Variants in SLC25A24 observed in about 807,000 individuals in gnomAD.
The protein encoded by SLC25A24 is mitochondrial adenyl nucleotide antiporter SLC25A24.
In SLC25A24, 49 loss-of-function variants were observed where a neutral mutation model predicts 60.7. That is an observed-to-expected ratio of 0.81 (90% CI 0.64 to 1.02). SLC25A24 has a LOEUF of 1.02. SLC25A24 is among the 50% of genes least tolerant of loss of function. The probability of loss-of-function intolerance (pLI) is 0.00; values close to 1 mark genes in which losing one functional copy is unlikely to be tolerated. For synonymous variants in SLC25A24, 202 were observed against 200.6 expected (o/e 1.01, Z -0.06); for missense variants, 564 against 586.3 (o/e 0.96, Z 0.39).
At chr1:108,155,333 T>C (rs953059981) in intron 5 of SLC25A24, among the ~76,000 whole-genome samples, 198 bp from the exon 6 acceptor site, 1 of 152,078 alleles carries the variant, frequency 6.6e-6, no homozygotes, top group Non-Finnish European at 1.5e-5. Flanking sequence ...TCTCTGACTC[T>C]AAAACTAAGA....
chr1:108,183,899 A>G (rs1648025729), intron 2 of SLC25A24, among the ~76,000 whole-genome samples: 1 of 152,236 alleles, frequency 6.6e-6, no homozygotes, highest in Non-Finnish European at 1.5e-5. Flanking sequence ...GTGCATGTCC[A>G]TGAATGCCTG....
chr1:108,178,866 C>T (rs965687476), intron 3 of SLC25A24, among the ~76,000 whole-genome samples: 2 of 151,210 alleles, frequency 1.3e-5, no homozygotes, highest in Non-Finnish European at 2.9e-5. Flanking sequence ...AGCAAATTCA[C>T]AAATACATGG....
At chr1:108,199,036 G>A (rs181088657) in intron 1 of SLC25A24, 2 of 152,330 alleles carry the variant, frequency 1.3e-5, no homozygotes, top group East Asian at 3.9e-4. Context: ...AGTCAGAAGT[G>A]TTATAAAATC....
chr1:108,180,949 A>T (rs645608), intron 3 of SLC25A24, among the ~76,000 whole-genome samples: 63 of 152,194 alleles, frequency 4.1e-4, no homozygotes, highest in African/African-American at 1.5e-3. Context: ...GCCAGGGAAA[A>T]GCCCTCACTT....
chr1:108,188,739 G>A (rs932648064), intron 1 of SLC25A24, among the ~76,000 whole-genome samples: 1 of 152,170 alleles, frequency 6.6e-6, no homozygotes, highest in African/African-American at 2.4e-5. Flanking sequence ...TGGCTTTAAG[G>A]TAGTTATTAG....
Position 108,161,278 on chromosome 1 carries a change from C to T in SLC25A24, c.414G>A (p.Gly138=), listed in dbSNP as rs1435728245. 1.9e-6 allele frequency: 3 copies of T among 1,573,556 alleles called. No homozygotes were observed. Among genetic ancestry groups the T allele is most frequent in the South Asian group, 2.3e-5 (2 of 88,196 alleles). Residue 138 remains glycine (G), a synonymous_variant, in exon 4 of 10, where the codon GGG becomes GGA. Coordinates refer to ENST00000565488, the MANE Select transcript of SLC25A24 (RefSeq NM_013386.5). ...ELILQSIDVD[G]TMTVDWNEWR... is the part of the protein sequence containing the mutation. ...ATTCATTCCAGTCCACTGTCATTGT[C>T]CCATCAACATCAATGCTGAAATTTT... is the stretch of plus-strand genomic sequence containing the variant.
At chr1:108,169,084 G>A (rs1647348242) in intron 3 of SLC25A24, among the ~76,000 whole-genome samples, 2 of 152,164 alleles carry the variant, frequency 1.3e-5, no homozygotes, top group African/African-American at 4.8e-5. Flanking sequence ...TTTTCCCAAA[G>A]TTTTGCAAAG....
At chr1:108,185,325 G>A (rs771239177) in intron 2 of SLC25A24, among the ~76,000 whole-genome samples, 7 of 152,038 alleles carry the variant, frequency 4.6e-5, no homozygotes, top group Non-Finnish European at 8.8e-5. Context: ...ACACTTAAAC[G>A]TTTATATGCT....
chr1:108,173,265 G>A (rs1292637498), intron 3 of SLC25A24, among the ~76,000 whole-genome samples: 1 of 152,144 alleles, frequency 6.6e-6, no homozygotes, highest in Non-Finnish European at 1.5e-5. Context: ...ACAGCTGGTG[G>A]GAGGTAATTG....
chr1:108,192,858 G>A (rs1033993253), intron 1 of SLC25A24: 2 of 962,404 alleles, frequency 2.1e-6, no homozygotes, highest in African/African-American at 3.2e-5. Flanking sequence ...GGACCTGCGT[G>A]GGACCGCACT....
chr1:108,166,359 A>G (rs1680252361), intron 3 of SLC25A24, among the ~76,000 whole-genome samples: 1 of 151,746 alleles, frequency 6.6e-6, no homozygotes, highest in Non-Finnish European at 1.5e-5. Flanking sequence ...AGATTGGGGA[A>G]GTTCTCCTGG....
intron 3 of SLC25A24, among the ~76,000 whole-genome samples, chr1:108,170,233 T>A (rs2101627824): frequency 6.6e-6 from 1 of 152,300 alleles, no homozygotes; most frequent in South Asian, 2.1e-4. Context: ...GACCCATAAG[T>A]TGAGAAGTGT....
intron 8 of SLC25A24, among the ~76,000 whole-genome samples, chr1:108,142,592 T>C (rs1323432426): frequency 6.6e-6 from 1 of 152,070 alleles, no homozygotes; most frequent in Non-Finnish European, 1.5e-5. Flanking sequence ...AGAAAGCAGA[T>C]TAGAGGTTAC....
chr1:108,156,705 T>C (rs1282118087), intron 5 of SLC25A24, among the ~76,000 whole-genome samples: 1 of 152,228 alleles, frequency 6.6e-6, no homozygotes, highest in Non-Finnish European at 1.5e-5. Flanking sequence ...ACATACCTGA[T>C]ATTGCTTGAT....
intron 1 of SLC25A24, among the ~76,000 whole-genome samples, chr1:108,197,860 G>A (rs72693452): frequency 0.22 from 34,074 of 152,108 alleles, 4,626 homozygotes; most frequent in East Asian, 0.47. Context: ...CGTGTTGGGA[G>A]GAGGGACCTA....
intron 7 of SLC25A24, among the ~76,000 whole-genome samples, chr1:108,145,514 C>T (rs981454280): frequency 4.6e-5 from 7 of 151,856 alleles, no homozygotes; most frequent in African/African-American, 7.3e-5. Context: ...GGTATTGCCT[C>T]GGTTTTTTTC....
chr1:108,173,681 A>G (rs1349679619), intron 3 of SLC25A24, among the ~76,000 whole-genome samples: 3 of 152,178 alleles, frequency 2.0e-5, no homozygotes, highest in African/African-American at 7.2e-5. Context: ...AAAGTTTGGA[A>G]CTTCTTAAAA....
At chr1:108,142,634 A>C (rs1260789414) in intron 8 of SLC25A24, among the ~76,000 whole-genome samples, 2 of 152,312 alleles carry the variant, frequency 1.3e-5, no homozygotes, top group East Asian at 3.9e-4. Flanking sequence ...GTAGGAAGTT[A>C]TTGCTTAAAG....
chr1:108,142,493 T>C (rs931030653), intron 8 of SLC25A24, among the ~76,000 whole-genome samples: 1 of 152,220 alleles, frequency 6.6e-6, no homozygotes, highest in Non-Finnish European at 1.5e-5. Flanking sequence ...TTAGAGACAT[T>C]ATGCTAAGAG....
Sources: allele counts gnomAD v4.1 joint callset (sites outside exome capture counted in the v4.1 genomes callset), GRCh38; gene constraint gnomAD v4.1.1; transcripts MANE v1.5; gene names NCBI Gene and HGNC (gene_info 2026-07-23, HGNC 2026-07-21).